Variants in SLC2A9 observed in about 807,000 individuals in gnomAD.
SLC2A9 encodes solute carrier family 2, facilitated glucose transporter member 9.
In SLC2A9, 39 loss-of-function variants were observed where a neutral mutation model predicts 50.6. That is an observed-to-expected ratio of 0.77 (90% CI 0.60 to 1.01). SLC2A9 has a LOEUF of 1.01. SLC2A9 is among the 50% of genes least tolerant of loss of function. SLC2A9 has a pLI of 0.00. For missense variants in SLC2A9, 686 were observed against 677.6 expected (o/e 1.01, Z -0.14); for synonymous variants, 324 against 276.9 (o/e 1.17, Z -1.69).
rs757198240 is a variant in SLC2A9 at position 9,782,034 on chromosome 4, T to C, written n.386-1969A>G. 2.7e-6 allele frequency: 4 copies of C among 1,455,082 alleles called. No homozygotes were observed. In the South Asian group the frequency reaches 5.7e-5, roughly 21 times the overall value. The allele number at this position is 1,455,082 out of a possible 1,614,324, so 90.1% of individuals were successfully genotyped here. ...GCCCCTGCAGTCCAGCCCGAAATGC[T>C]GCCGCCAGGCAGCAACGGCACCGCG... On this transcript the variant is annotated intron_variant and non_coding_transcript_variant, in intron 3 of 3. Transcript: ENST00000503803.
chr4:9,928,410 A>G (rs962025492), intron 6 of SLC2A9, among the ~76,000 whole-genome samples: 8 of 152,194 alleles, frequency 5.3e-5, no homozygotes, highest in African/African-American at 1.9e-4. Flanking sequence ...TGGTAGACAA[A>G]GTTATATACA....
chr4:10,026,795 G>A (rs1560508816), intron 1 of SLC2A9, among the ~76,000 whole-genome samples: 1 of 152,182 alleles, frequency 6.6e-6, no homozygotes, highest in Non-Finnish European at 1.5e-5. Flanking sequence ...TGTAATCCCA[G>A]CACGTGGGGA....
exon 2 of SLC2A9, chr4:9,771,311 G>A: frequency 2.6e-6 from 1 of 389,682 alleles, no homozygotes; most frequent in East Asian, 3.6e-5. Context: ...CCTTCACCTG[G>A]TGACTCAGGT....
downstream of SLC2A9, among the ~76,000 whole-genome samples, chr4:9,778,292 G>T (rs760721116): frequency 2.0e-5 from 3 of 151,936 alleles, no homozygotes; most frequent in Non-Finnish European, 4.4e-5. Flanking sequence ...GCTAATTTTT[G>T]CATTTTTAGT....
intron 8 of SLC2A9, among the ~76,000 whole-genome samples, chr4:9,904,235 G>C (rs1740207294): frequency 6.6e-6 from 1 of 152,172 alleles, no homozygotes. Context: ...CAGAAGTCTA[G>C]AATAGATCTT....
chr4:9,808,798 T>C (rs1722467355), intron 3 of SLC2A9, among the ~76,000 whole-genome samples: 1 of 152,134 alleles, frequency 6.6e-6, no homozygotes. Context: ...GGCTTAGGAA[T>C]CTCTCTCCTC....
At position 9,980,630 on chromosome 4, in the gene SLC2A9, T is replaced by G; in HGVS notation, c.643A>C (p.Thr215Pro). ...TAIFICIGVFTGQLLGLPELL... is the reference protein window; with the variant it reads ...TAIFICIGVFPGQLLGLPELL... ...TCGGGCAGGCCCAGAAGCTGCCCAG[T>G]GAACACGCCAATGCAGATAAAGATG... The change falls in exon 5 of 12, where the codon ACT becomes CCT. Residue 215 changes from threonine (T) to proline (P), a missense_variant. By Grantham distance (38) the Thr-to-Pro change is conservative. Coordinates refer to ENST00000264784, the MANE Select transcript of SLC2A9 (RefSeq NM_020041.3). The G allele has an allele frequency of 6.2e-7, 1 of 1,614,178 alleles. No homozygotes were observed.
At chr4:9,878,459 C>T (rs79829709) in intron 10 of SLC2A9, among the ~76,000 whole-genome samples, 3 of 151,978 alleles carry the variant, frequency 2.0e-5, no homozygotes, top group Middle Eastern at 3.2e-3. Flanking sequence ...TCCATAGAAA[C>T]GTCTAAATGA....
At chr4:9,838,867 T>A (rs1158379259) in intron 10 of SLC2A9, among the ~76,000 whole-genome samples, 3 of 152,076 alleles carry the variant, frequency 2.0e-5, no homozygotes, top group Non-Finnish European at 4.4e-5. Context: ...ATGGATTAAA[T>A]ACTTAAATGT....
intron 10 of SLC2A9, among the ~76,000 whole-genome samples, chr4:9,859,150 A>G (rs1731211363): frequency 6.6e-6 from 1 of 152,212 alleles, no homozygotes; most frequent in African/African-American, 2.4e-5. Context: ...CAAATGGTCT[A>G]TCGTGGGACT....
intron 1 of SLC2A9, chr4:10,036,215 C>T (rs1480462524): frequency 6.6e-6 from 1 of 152,404 alleles, no homozygotes; most frequent in African/African-American, 2.4e-5. Context: ...TTGAGAAGGC[C>T]CAGTTCCACC....
intron 10 of SLC2A9, among the ~76,000 whole-genome samples, chr4:9,860,128 C>T (rs1731376211): frequency 6.6e-6 from 1 of 152,152 alleles, no homozygotes; most frequent in African/African-American, 2.4e-5. Context: ...ATCTCTCTGC[C>T]CCCTGGGTAG....
intron 5 of SLC2A9, among the ~76,000 whole-genome samples, chr4:9,959,873 C>T (rs1048110249): frequency 7.2e-5 from 11 of 152,164 alleles, no homozygotes; most frequent in Non-Finnish European, 5.9e-5. Flanking sequence ...CGTGGATGTT[C>T]TGGCTTTCGG....
chr4:9,843,208 A>AGG (rs1461237421), intron 10 of SLC2A9, among the ~76,000 whole-genome samples: 4 of 152,152 alleles, frequency 2.6e-5, no homozygotes, highest in African/African-American at 7.2e-5. Context: ...AGAATCACAA[A>AGG]GGGGTGTGGA....
intron 10 of SLC2A9, chr4:9,879,062 AG>A (rs1233970379): frequency 1.0e-6 from 1 of 981,966 alleles, no homozygotes; most frequent in African/African-American, 1.8e-5. Flanking sequence ...ACCCACTGTC[AG>A]GCTGTGTGTT....
intron 10 of SLC2A9, among the ~76,000 whole-genome samples, chr4:9,862,477 ATTT>A (rs1442124585): frequency 6.6e-6 from 1 of 151,690 alleles, no homozygotes; most frequent in African/African-American, 2.4e-5. Flanking sequence ...AAACTTCTGT[ATTT>A]TTTTTCTTGT....
At chr4:9,821,364 G>A (rs1181607864), downstream of SLC2A9, among the ~76,000 whole-genome samples, 1 of 151,730 alleles carries the variant, frequency 6.6e-6, no homozygotes, top group Non-Finnish European at 1.5e-5. Context: ...GGATGAAGCT[G>A]GAATCCATCA....
At chr4:9,833,360 G>A (rs1433722625) in intron 11 of SLC2A9, among the ~76,000 whole-genome samples, 2 of 152,158 alleles carry the variant, frequency 1.3e-5, no homozygotes, top group African/African-American at 2.4e-5. Flanking sequence ...GAGACGAGGA[G>A]GCTGTAGCAA....
chr4:9,984,010 T>C (rs1444865910), intron 4 of SLC2A9, among the ~76,000 whole-genome samples: 3 of 152,010 alleles, frequency 2.0e-5, no homozygotes, highest in African/African-American at 7.2e-5. Flanking sequence ...TCAAAAAAAA[T>C]GAAAAGCATG....
Sources: allele counts gnomAD v4.1 joint callset (sites outside exome capture counted in the v4.1 genomes callset), GRCh38; gene constraint gnomAD v4.1.1; transcripts MANE v1.5; gene names NCBI Gene and HGNC (gene_info 2026-07-23, HGNC 2026-07-21).